EMC3: variants seen among roughly 807,000 people sequenced by gnomAD.
EMC3 encodes 30 kDa protein.
A neutral mutation model predicts 36.6 loss-of-function variants in EMC3; 13 were observed. That is an observed-to-expected ratio of 0.35 (90% CI 0.23 to 0.56). The LOEUF (loss-of-function observed/expected upper bound fraction) is 0.56. Ranked by LOEUF, EMC3 falls within the 20% of genes least tolerant of loss-of-function variation. The probability of loss-of-function intolerance (pLI) is 0.84; values close to 1 mark genes in which losing one functional copy is unlikely to be tolerated. For missense variants in EMC3, 220 were observed against 324.5 expected, an observed-to-expected ratio of 0.68 and a Z score of 2.47; for synonymous variants, 120 against 111.9, an observed-to-expected ratio of 1.07 and a Z score of -0.46.
chr3:9,984,310 G>A (rs923293400), intron 1 of EMC3, among the ~76,000 whole-genome samples: 4 of 151,866 alleles, frequency 2.6e-5, no homozygotes, highest in Admixed American at 6.6e-5. Context: ...TCAATCTCTT[G>A]ACCTCATGAT....
intron 1 of EMC3, among the ~76,000 whole-genome samples, chr3:10,008,104 C>T (rs2086283928): frequency 6.6e-6 from 1 of 152,194 alleles, no homozygotes; most frequent in Non-Finnish European, 1.5e-5. Context: ...AAGAGGGCCC[C>T]TGTGGGTTCT....
At chr3:9,973,800 C>A in intron 4 of EMC3, 91 bp from the exon 5 acceptor site, 1 of 1,216,140 alleles carries the variant, frequency 8.2e-7, no homozygotes, top group Non-Finnish European at 1.2e-6. Context: ...GAACTCTGTG[C>A]CACATAGCTT....
chr3:10,007,770 A>G (rs949603066), intron 1 of EMC3: 110 of 811,856 alleles, frequency 1.4e-4, no homozygotes, highest in Non-Finnish European at 1.8e-4. Context: ...GTGGGTTCCT[A>G]ATGAGCTTGA....
At chr3:9,994,199 T>A (rs2086094391) in intron 1 of EMC3, 1 of 1,585,006 alleles carries the variant, frequency 6.3e-7, no homozygotes, top group African/African-American at 1.3e-5. Context: ...TTCTTAAGGA[T>A]ATGTGTTCAT....
rs2086095158 is a variant in EMC3, at chr3:9,994,248, G to A, written c.-241-7346C>T. ...GGCTCAGAGTTTGCTTCACTCTCTAGACTAGAGTAGAATTTCATTTGGCAG... is the reference window on the plus strand; with the variant it reads ...GGCTCAGAGTTTGCTTCACTCTCTAAACTAGAGTAGAATTTCATTTGGCAG... On this transcript the variant is annotated intron_variant, in intron 1 of 8. Coordinates refer to the EMC3 transcript ENST00000470827. 1.3e-5 allele frequency: 19 copies of A among 1,465,508 alleles called. No individual in the cohort carries two copies. In the South Asian group the frequency reaches 1.8e-4, roughly 14 times the overall value. The allele number at this position is 1,465,508 out of a possible 1,614,324, so 90.8% of individuals were successfully genotyped here. A position where few individuals can be genotyped will look rare whatever the true frequency, so the allele number is the denominator to read the frequency against.
intron 7 of EMC3, among the ~76,000 whole-genome samples, chr3:9,964,774 A>G (rs1369207984): frequency 6.6e-6 from 1 of 152,254 alleles, no homozygotes; most frequent in Admixed American, 6.5e-5. Context: ...AATCACTGGA[A>G]TAAAGACTTT....
chr3:9,984,776 A>T (rs2085951956), intron 1 of EMC3, among the ~76,000 whole-genome samples: 1 of 152,184 alleles, frequency 6.6e-6, no homozygotes, highest in Non-Finnish European at 1.5e-5. Flanking sequence ...AGATAAAGTG[A>T]TCGCTGTAGT....
At chr3:10,001,444 G>C (rs1315961150) in intron 1 of EMC3, among the ~76,000 whole-genome samples, 1 of 151,380 alleles carries the variant, frequency 6.6e-6, no homozygotes, top group Non-Finnish European at 1.5e-5. Flanking sequence ...CGGGTGTGGT[G>C]GTGGGCGCCT....
At chr3:9,988,233 C>T, upstream of EMC3, 2 of 595,842 alleles carry the variant, frequency 3.4e-6, no homozygotes, top group Non-Finnish European at 6.2e-6. Flanking sequence ...AGGCAGACTA[C>T]AGTGCAAGTT....
At chr3:9,990,028 CTT>C (rs565914393), upstream of EMC3, among the ~76,000 whole-genome samples, 4 of 132,072 alleles carry the variant, frequency 3.0e-5, no homozygotes, top group African/African-American at 1.1e-4. Context: ...AGTGTTTTCT[CTT>C]TTTTTTTTGA....
chr3:9,987,702 G>C, upstream of EMC3: 1 of 389,558 alleles, frequency 2.6e-6, no homozygotes, highest in Non-Finnish European at 4.8e-6. Flanking sequence ...TTTCTGTGTA[G>C]TACCTCACAG....
intron 1 of EMC3, among the ~76,000 whole-genome samples, chr3:9,996,712 A>ACT (rs1208567141): frequency 3.3e-5 from 5 of 152,148 alleles, no homozygotes; most frequent in Admixed American, 1.3e-4. Context: ...GTGAAAAATA[A>ACT]CTCACTTCTT....
At chr3:9,985,286 TAGAC>T (rs1226122842) in intron 1 of EMC3, among the ~76,000 whole-genome samples, 1 of 152,244 alleles carries the variant, frequency 6.6e-6, no homozygotes, top group African/African-American at 2.4e-5. Context: ...AAATTTTAAC[TAGAC>T]ACTGTTACCT....
chr3:9,989,028 C>T (rs1283542281), upstream of EMC3, among the ~76,000 whole-genome samples: 1 of 152,030 alleles, frequency 6.6e-6, no homozygotes. Context: ...GTCAAAGAAG[C>T]CAGGTCCCCA....
chr3:9,980,471 T>A (rs1190291061), intron 1 of EMC3, among the ~76,000 whole-genome samples: 2 of 151,496 alleles, frequency 1.3e-5, no homozygotes, highest in Non-Finnish European at 2.9e-5. Flanking sequence ...GCTCAAGTGA[T>A]CCTCCCATCT....
rs562955315 is a variant in EMC3, at chr3:10,007,446, G to T, written c.-242+3577C>A. On this transcript the variant is annotated intron_variant, in intron 1 of 8. Coordinates refer to the EMC3 transcript ENST00000470827. ...CCCAAAGTGCCTTAGGGGGCCACTT[G>T]TTCTGCTGGGCTCCTGGCTGTCTAG... 1.2e-4 allele frequency: 169 copies of T among 1,367,694 alleles called. 2 individuals are homozygous for T. In the South Asian group the frequency reaches 1.9e-3, roughly 15 times the overall value. The allele number at this position is 1,367,694 out of a possible 1,614,324, so 84.7% of individuals were successfully genotyped here.
chr3:9,970,910 T>C (rs1461997665), intron 5 of EMC3, among the ~76,000 whole-genome samples: 1 of 150,926 alleles, frequency 6.6e-6, no homozygotes, highest in Non-Finnish European at 1.5e-5. Flanking sequence ...AAATCACAAG[T>C]GTTGGTGTGT....
At chr3:10,001,279 C>T (rs941191760) in intron 1 of EMC3, among the ~76,000 whole-genome samples, 3 of 151,844 alleles carry the variant, frequency 2.0e-5, no homozygotes, top group Non-Finnish European at 4.4e-5. Context: ...ATCAATTTGT[C>T]GGCCGGGCAT....
At chr3:9,999,244 CTTT>C (rs60974972) in intron 1 of EMC3, among the ~76,000 whole-genome samples, 5 of 140,268 alleles carry the variant, frequency 3.6e-5, no homozygotes, top group Non-Finnish European at 4.7e-5. Context: ...TCAAATTTAT[CTTT>C]TTTTTTTTTT....
Sources: gnomAD v4.1 joint callset for allele counts (sites outside exome capture counted in the v4.1 genomes callset) on GRCh38, gnomAD v4.1.1 for gene constraint, MANE v1.5 for transcripts, NCBI Gene and HGNC (gene_info 2026-07-23, HGNC 2026-07-21) for gene names.